The following PUSL1 variants were observed in gnomAD, a reference collection of about 807,000 sequenced individuals.
The protein encoded by PUSL1 is tRNA pseudouridine synthase-like 1.
A neutral mutation model predicts 30.7 loss-of-function variants in PUSL1; 51 were observed. The ratio of observed to expected loss-of-function variants is 1.66; its 90% confidence interval spans 1.33 to 2.10. PUSL1 has a LOEUF of 2.10. Ranked by LOEUF, PUSL1 falls within the 30% of genes most tolerant of loss-of-function variation. The pLI is 0.00. For synonymous variants in PUSL1, 290 were observed against 192.1 expected (o/e 1.51, Z -4.21); for missense variants, 609 against 427.6 (o/e 1.42, Z -3.74).
At chr1:1,309,645 G>T in intron 4 of PUSL1, 36 bp from the exon 5 acceptor site, 1 of 1,596,630 alleles carries the variant, frequency 6.3e-7, no homozygotes, top group Non-Finnish European at 8.6e-7. Context: ...GGGCAGGCCG[G>T]CCCCACCCTC....
At position 1,308,932 on chromosome 1, in the gene PUSL1, G is replaced by T. The variant is rs867477854; in HGVS notation, c.95G>T (p.Arg32Met). ...GCCCGCAGCGGGGTCGCGGCCGTCAGGGGCACTCAGCGCGCCGTCGGGGTC... is the reference window on the plus strand; with the variant it reads ...GCCCGCAGCGGGGTCGCGGCCGTCATGGGCACTCAGCGCGCCGTCGGGGTC... ...GTDFNGVAAV[R>M]GTQRAVGVQN... Residue 32 changes from arginine (R) to methionine (M), a missense_variant, in exon 2 of 8, where the codon AGG becomes ATG. By Grantham distance (91) the Arg-to-Met change is moderately conservative (BLOSUM62 -1). Transcript: ENST00000379031. The T allele has an allele frequency of 7.0e-7, 1 of 1,420,906 alleles. No homozygotes were observed. The allele number at this position is 1,420,906 out of a possible 1,614,324, so 88.0% of individuals were successfully genotyped here.
rs1281515759 is a variant in PUSL1, at chr1:1,310,396, ACCTGCCCAGCCTCCAGGGTCCTGCTG to A, written c.645-234_645-209del. On this transcript the variant is annotated intron_variant, in intron 5 of 7. Coordinates refer to ENST00000379031, the MANE Select transcript of PUSL1 (RefSeq NM_153339.3). ...CAAGCCCCTCTGGGATGGCCAGGCT[ACCTGCCCAGCCTCCAGGGTCCTGCTG>A]CCTCCTTGCCCAAGCATTGTTTCTC... 9 of 525,934 alleles carry A rather than the reference ACCTGCCCAGCCTCCAGGGTCCTGCTG, an allele frequency of 1.7e-5. No individual in the cohort carries two copies. In the East Asian group the frequency reaches 2.8e-4, roughly 16 times the overall value. 32.6% of individuals were successfully genotyped at this position (525,934 alleles called of 1,614,324 possible).
In PUSL1 at chr1:1,310,655, G is replaced by A. The variant is rs1180830970; in HGVS notation, c.666G>A (p.Leu222=). ...EESRKLRFWN[L]EFESQSFLYR... The stretch of plus-strand genomic sequence containing the variant: ...CCAGGAAGCTGCGGTTCTGGAACCT[G>A]GAGTTTGAGAGCCAGTCTTTCCTGT... Residue 222 remains leucine, a synonymous_variant, in exon 6 of 8, where the codon CTG becomes CTA. Transcript: ENST00000379031. 6.3e-7 allele frequency: 1 copy of A among 1,584,428 alleles called. No homozygotes were observed. Among genetic ancestry groups the A allele is most frequent in the Non-Finnish European group, 8.6e-7 (1 of 1,161,662 alleles).
chr1:1,310,587 A>G (rs1360376612), intron 5 of PUSL1, 47 bp from the exon 6 acceptor site: 3 of 1,405,384 alleles, frequency 2.1e-6, no homozygotes, highest in Non-Finnish European at 2.9e-6. Context: ...TAGGCTGAGG[A>G]TGGCAAACAC....
chr1:1,310,768 T>TGGGCGGCTCTGGGTCAC, intron 6 of PUSL1, 80 bp downstream of exon 6: 2 of 1,598,358 alleles, frequency 1.3e-6, no homozygotes, highest in Non-Finnish European at 1.7e-6. Context: ...CTCTGGGTCG[T>TGGGCGGCTCTGGGTCAC]GGGCGGCTCT....
At chr1:1,310,837 C>G (rs1386672529) in intron 6 of PUSL1, 72 bp from the exon 7 acceptor site, 1 of 1,609,046 alleles carries the variant, frequency 6.2e-7, no homozygotes, top group Non-Finnish European at 8.5e-7. Context: ...CTCTGGGTCA[C>G]AGGTACGGAG....
In PUSL1 at chr1:1,311,347, C is replaced by T. The variant is rs745791371; in HGVS notation, c.880C>T (p.Leu294=). The change falls in exon 8 of 8, where the codon CTG becomes TTG. Residue 294 remains leucine (L), a synonymous_variant. Coordinates refer to ENST00000379031, the MANE Select transcript of PUSL1 (RefSeq NM_153339.3). ...YGNLGAASCT[L]QGPQFGSHG ...GTCCACAGGTGCTGCCTCCTGCACC[C>T]TGCAGGGGCCACAGTTCGGGAGCCA... The T allele has an allele frequency of 6.3e-7, 1 of 1,592,132 alleles. No homozygotes were observed. Among genetic ancestry groups the T allele is most frequent in the Admixed American group, 1.7e-5 (1 of 58,798 alleles).
intron 7 of PUSL1, 29 bp downstream of exon 7, chr1:1,311,100 G>C: frequency 1.9e-6 from 3 of 1,577,896 alleles, no homozygotes; most frequent in Admixed American, 1.7e-5. Flanking sequence ...AGAAGCTCCT[G>C]TCATGTGCCC....
At chr1:1,308,792 C>T (rs1427820264) in intron 1 of PUSL1, 72 bp downstream of exon 1, 98 of 1,445,716 alleles carry the variant, frequency 6.8e-5, no homozygotes, top group Non-Finnish European at 8.7e-5. Context: ...CGCGGGCGGG[C>T]AGGCGGATGT....
At chr1:1,310,526 CAGGCTCGTCTTT>C (rs768667054) in intron 5 of PUSL1, 96 bp from the exon 6 acceptor site, 9 of 883,234 alleles carry the variant, frequency 1.0e-5, no homozygotes, top group Non-Finnish European at 1.6e-5. Flanking sequence ...TAGTGGGAAC[CAGGCTCGTCTTT>C]AGGCCCACCC....
In PUSL1 at chr1:1,308,937, A is replaced by C; in HGVS notation, c.100A>C (p.Thr34Pro). 4 of 1,420,616 alleles carry C rather than the reference A, an allele frequency of 2.8e-6. No individual in the cohort carries two copies. The highest frequency in any genetic ancestry group is 3.7e-6 in the Non-Finnish European group (4 of 1,090,796). 88.0% of individuals were successfully genotyped at this position (1,420,616 alleles called of 1,614,324 possible). A position where few individuals can be genotyped will look rare whatever the true frequency, so the allele number is the denominator to read the frequency against. Residue 34 changes from threonine to proline, a missense_variant, in exon 2 of 8, where the codon ACT (threonine) becomes CCT (proline). Transcript: ENST00000379031. Reference protein sequence around the residue: ...DFNGVAAVRGTQRAVGVQNYL... With the variant: ...DFNGVAAVRGPQRAVGVQNYL... ...CAGCGGGGTCGCGGCCGTCAGGGGC[A>C]CTCAGCGCGCCGTCGGGGTCCAGAA...
rs2100532967 is a variant in PUSL1, at chr1:1,309,791, T to TGC, written c.587_588dup (p.Arg197AlafsTer42). On this transcript the variant is annotated frameshift_variant, in exon 5 of 8. Transcript: ENST00000379031. LOFTEE classifies it high-confidence loss of function. ...CCGGTGCCGAGCCCCGTGCGAACGC[T>TGC]GCGCCGGGTCTCCGTTTCCCCAGGC... 2 of 1,558,308 alleles carry TGC rather than the reference T, an allele frequency of 1.3e-6. No homozygotes were observed. Among genetic ancestry groups the TGC allele is most frequent in the Admixed American group, 1.9e-5 (1 of 52,168 alleles).
At chr1:1,308,849 C>T in intron 1 of PUSL1, 66 bp from the exon 2 acceptor site, 2 of 1,428,472 alleles carry the variant, frequency 1.4e-6, no homozygotes, top group Non-Finnish European at 1.8e-6. Flanking sequence ...CGGCCCTGGC[C>T]TCAGACGGCG....
chr1:1,308,785 G>C lies in PUSL1; in HGVS notation c.77+65G>C. On this transcript the variant is annotated intron_variant, in intron 1 of 7. Coordinates refer to ENST00000379031, the MANE Select transcript of PUSL1 (RefSeq NM_153339.3). ...CGGGCGGAGGCGGGAAGGAGGGCGC[G>C]GGCGGGCAGGCGGATGTCTCTGGAC... The C allele has an allele frequency of 2.7e-6, 4 of 1,455,882 alleles. No individual in the cohort carries two copies. In the South Asian group the frequency reaches 5.2e-5, roughly 19 times the overall value. 90.2% of individuals were successfully genotyped at this position (1,455,882 alleles called of 1,614,324 possible).
rs777410522 is a variant in PUSL1 at position 1,310,832 on chromosome 1, G to C, written c.700-77G>C. 1.9e-6 allele frequency: 3 copies of C among 1,608,986 alleles called. No homozygotes were observed. The African/African-American group carries it at 4.0e-5, about 22-fold the overall frequency. On this transcript the variant is annotated intron_variant, in intron 6 of 7. Coordinates refer to ENST00000379031, the MANE Select transcript of PUSL1 (RefSeq NM_153339.3). ...TGCTGGTGGGTCACGGGCGGCTCTG[G>C]GTCACAGGTACGGAGGATGACGGCT...
Position 1,309,292 on chromosome 1 carries a change from C to A in PUSL1, c.323+19C>A. ...CCATCAGGTGAGCCCGCGACCTAAG[C>A]AGCCCTGGGGCTGTGCCTTCCCGAC... On this transcript the variant is annotated intron_variant, in intron 3 of 7. Coordinates refer to ENST00000379031, the MANE Select transcript of PUSL1 (RefSeq NM_153339.3). 1 of 1,469,758 alleles carries A rather than the reference C, an allele frequency of 6.8e-7. No homozygotes were observed. The highest frequency in any genetic ancestry group is 1.4e-5 in the African/African-American group (1 of 71,692). 91.0% of individuals were successfully genotyped at this position (1,469,758 alleles called of 1,614,324 possible). A position where few individuals can be genotyped will look rare whatever the true frequency, so the allele number is the denominator to read the frequency against.
At position 1,308,704 on chromosome 1, in the gene PUSL1, G is replaced by A; in HGVS notation, c.61G>A (p.Val21Met). The A allele has an allele frequency of 1.9e-6, 3 of 1,557,564 alleles. No homozygotes were observed. Among genetic ancestry groups the A allele is most frequent in the South Asian group, 2.4e-5 (2 of 84,688 alleles). ...RARYLVYFQY[V>M]GTDFNGVAAV... ...GCGCTATCTTGTGTACTTCCAGTAC[G>A]TGGGCACCGACTTTAAGTAGGTTTC... The change falls in exon 1 of 8, where the codon GTG (valine) becomes ATG (methionine). Residue 21 changes from valine to methionine, a missense_variant. Transcript: ENST00000379031.
chr1:1,309,915 C>G (rs1413259210), intron 5 of PUSL1, 64 bp downstream of exon 5: 1 of 1,305,304 alleles, frequency 7.7e-7, no homozygotes, highest in African/African-American at 1.5e-5. Flanking sequence ...AGCTCCAGCA[C>G]CTCCCCCAGT....
At position 1,311,630 on chromosome 1, in the gene PUSL1, G is replaced by A. The variant is rs1323166747; in HGVS notation, c.*251G>A. ...TGTTCAGCTTTTACTGGAAACTGCT[G>A]TCTAGGACCACCTGCCCTAACCAGG... On this transcript the variant is annotated 3_prime_UTR_variant, in exon 8 of 8. Coordinates refer to ENST00000379031, the MANE Select transcript of PUSL1 (RefSeq NM_153339.3). The A allele has an allele frequency of 8.4e-6, 6 of 710,840 alleles. No homozygotes were observed. The highest frequency in any genetic ancestry group is 1.5e-5 in the Non-Finnish European group (6 of 394,076). The allele number at this position is 710,840 out of a possible 1,614,324, so 44.0% of individuals were successfully genotyped here.
Sources: gnomAD v4.1 joint callset for allele counts on GRCh38, gnomAD v4.1.1 for gene constraint, MANE v1.5 for transcripts, NCBI Gene and HGNC (gene_info 2026-07-23, HGNC 2026-07-21) for gene names.